MGAT4C: variants seen among roughly 807,000 people sequenced by gnomAD.
MGAT4C encodes MGAT4 family member C.
In MGAT4C, 19 loss-of-function variants were observed where a neutral mutation model predicts 40.1. That is an observed-to-expected ratio of 0.47 (90% CI 0.33 to 0.70). The LOEUF (loss-of-function observed/expected upper bound fraction) is 0.70. MGAT4C is among the 30% of genes least tolerant of loss of function. MGAT4C has a pLI of 0.02. For synonymous variants in MGAT4C, 181 were observed against 187.1 expected, an observed-to-expected ratio of 0.97 and a Z score of 0.27; for missense variants, 491 against 563.2, an observed-to-expected ratio of 0.87 and a Z score of 1.30.
At chr12:86,096,643 A>T (rs1167672323) in intron 1 of MGAT4C, among the ~76,000 whole-genome samples, 1 of 151,214 alleles carries the variant, frequency 6.6e-6, no homozygotes, top group Non-Finnish European at 1.5e-5. Flanking sequence ...ATTCTGATTT[A>T]CGTTGTTCTT....
chr12:85,969,713 G>A lies in MGAT4C; in HGVS notation c.*9576C>T, dbSNP rs1050366043. On this transcript the variant is annotated 3_prime_UTR_variant, in exon 5 of 5. Transcript: ENST00000611864. ...TTCAATAAATTATTATTATAGTTAG[G>A]AGGCAATGTATAATAGTGATAAGGG... 2.6e-5 allele frequency: 4 copies of A among 151,374 alleles called. No individual in the cohort carries two copies. Among genetic ancestry groups the A allele is most frequent in the Non-Finnish European group, 4.4e-5 (3 of 67,538 alleles). The allele number at this position is 151,374 out of a possible 1,614,324, so 9.4% of individuals were successfully genotyped here.
intron 4 of MGAT4C, among the ~76,000 whole-genome samples, chr12:86,301,242 AAT>A (rs1324356204): frequency 6.6e-6 from 1 of 152,166 alleles, no homozygotes; most frequent in African/African-American, 2.4e-5. Context: ...AGAGTCTTGT[AAT>A]TACTTTCATA....
At chr12:86,773,019 T>G (rs1951665429) in intron 1 of MGAT4C, among the ~76,000 whole-genome samples, 1 of 152,150 alleles carries the variant, frequency 6.6e-6, no homozygotes. Flanking sequence ...GAGAAAGGCA[T>G]ACATTTGTGG....
At chr12:86,389,431 AT>A (rs1236909898) in intron 3 of MGAT4C, among the ~76,000 whole-genome samples, 1 of 152,048 alleles carries the variant, frequency 6.6e-6, no homozygotes, top group Non-Finnish European at 1.5e-5. Context: ...CATTTTCTTT[AT>A]TCATTCTAAC....
intron 2 of MGAT4C, among the ~76,000 whole-genome samples, chr12:86,577,118 G>A (rs1271808428): frequency 6.6e-6 from 1 of 151,654 alleles, no homozygotes; most frequent in African/African-American, 2.4e-5. Flanking sequence ...CATTTTCACT[G>A]TTGGCATATA....
intron 2 of MGAT4C, among the ~76,000 whole-genome samples, chr12:86,511,655 A>G (rs1958589571): frequency 6.6e-6 from 1 of 152,170 alleles, no homozygotes; most frequent in African/African-American, 2.4e-5. Context: ...TGGGGAAGGA[A>G]TAGTCTCTTC....
rs1271190576 is a variant in MGAT4C at position 86,743,697 on chromosome 12, A to C, written c.-261-16456T>G. Among the ~76,000 whole-genome samples, 3 of 151,686 alleles carry C rather than the reference A, an allele frequency of 2.0e-5. No homozygotes were observed. The Admixed American group carries it at 2.0e-4, about 10-fold the overall frequency. ...TTTCCAGGTTCATAAATTTTATTAA[A>C]CTGCAAATCAATGTCCATCCCAGAT... On this transcript the variant is annotated intron_variant, in intron 1 of 7. Coordinates refer to the MGAT4C transcript ENST00000548651.
At chr12:86,820,247 GATCA>G (rs1290105495) in intron 1 of MGAT4C, among the ~76,000 whole-genome samples, 1 of 150,516 alleles carries the variant, frequency 6.6e-6, no homozygotes, top group Non-Finnish European at 1.5e-5. Flanking sequence ...ACAAAATTTG[GATCA>G]ATATTTCAAA....
intron 1 of MGAT4C, among the ~76,000 whole-genome samples, chr12:86,787,741 T>A (rs1302272956): frequency 6.6e-6 from 1 of 152,162 alleles, no homozygotes; most frequent in Non-Finnish European, 1.5e-5. Flanking sequence ...TATAGTAGAA[T>A]GATGTACTTT....
At position 86,208,899 on chromosome 12, in the gene MGAT4C, T is replaced by C. The variant is rs534596869; in HGVS notation, c.-57+47340A>G. Among the ~76,000 whole-genome samples, 10 of 152,246 alleles carry C rather than the reference T, an allele frequency of 6.6e-5. No individual in the cohort carries two copies. The South Asian group carries it at 1.5e-3, about 22-fold the overall frequency. Reference sequence around the variant, plus strand: ...GAAGCCATGTAAGTACAAAATAAACTCAAAAAGGACCTATACATTCGCTAC... The same window carrying C: ...GAAGCCATGTAAGTACAAAATAAACCCAAAAAGGACCTATACATTCGCTAC... On this transcript the variant is annotated intron_variant, in intron 1 of 4. Coordinates refer to ENST00000611864, the MANE Select transcript of MGAT4C (RefSeq NM_001351288.2).
chr12:86,167,489 A>T (rs1886315972), intron 1 of MGAT4C, among the ~76,000 whole-genome samples: 1 of 152,198 alleles, frequency 6.6e-6, no homozygotes, highest in South Asian at 2.1e-4. Context: ...ACAGAATACC[A>T]CAAACTGGAC....
chr12:86,110,296 C>CTATATATATATATAG (rs375212206), intron 1 of MGAT4C, among the ~76,000 whole-genome samples: 2 of 18,934 alleles, frequency 1.1e-4, no homozygotes, highest in African/African-American at 4.4e-4. Context: ...TATATATAGT[C>CTATATATATATATAG]TCTCTATATA....
intron 1 of MGAT4C, among the ~76,000 whole-genome samples, chr12:86,745,319 G>T (rs79441418): frequency 6.6e-6 from 1 of 151,692 alleles, no homozygotes; most frequent in Non-Finnish European, 1.5e-5. Flanking sequence ...GAAGGAGTTC[G>T]CATCTGGAGA....
intron 1 of MGAT4C, among the ~76,000 whole-genome samples, chr12:86,790,221 A>G (rs540937490): frequency 9.2e-5 from 14 of 152,278 alleles, no homozygotes; most frequent in African/African-American, 3.4e-4. Flanking sequence ...AACTACTAGA[A>G]TATATGAATG....
chr12:86,447,478 A>G (rs1470782789), intron 2 of MGAT4C, among the ~76,000 whole-genome samples: 1 of 152,126 alleles, frequency 6.6e-6, no homozygotes, highest in Non-Finnish European at 1.5e-5. Flanking sequence ...AGTAACAACA[A>G]TTGTGTCAAT....
intron 2 of MGAT4C, among the ~76,000 whole-genome samples, chr12:86,439,553 T>C (rs1259153239): frequency 6.6e-6 from 1 of 151,818 alleles, no homozygotes; most frequent in African/African-American, 2.4e-5. Context: ...CAACCTAACA[T>C]CACACCACAA....
intron 2 of MGAT4C, among the ~76,000 whole-genome samples, chr12:86,572,337 C>T (rs1054012226): frequency 6.6e-6 from 1 of 152,082 alleles, no homozygotes; most frequent in Non-Finnish European, 1.5e-5. Flanking sequence ...CTTTCCCTCA[C>T]ATCCTATTCC....
chr12:86,360,570 T>G (rs549151552), intron 3 of MGAT4C, among the ~76,000 whole-genome samples: 5 of 152,266 alleles, frequency 3.3e-5, no homozygotes, highest in Admixed American at 3.3e-4. Flanking sequence ...ATTACATGAT[T>G]GTATATTTAG....
intron 2 of MGAT4C, among the ~76,000 whole-genome samples, chr12:86,700,538 G>T (rs1310682740): frequency 6.6e-6 from 1 of 152,056 alleles, no homozygotes; most frequent in African/African-American, 2.4e-5. Context: ...TAACTTAAAT[G>T]AAGTGCCCTT....
Sources: allele counts gnomAD v4.1 joint callset (sites outside exome capture counted in the v4.1 genomes callset), GRCh38; gene constraint gnomAD v4.1.1; transcripts MANE v1.5; gene names NCBI Gene and HGNC (gene_info 2026-07-23, HGNC 2026-07-21).